Variants in USF2 observed in about 807,000 individuals in gnomAD.
USF2 encodes upstream transcription factor 2, c-fos interacting.
In USF2, 16 loss-of-function variants were observed where a neutral mutation model predicts 46.9. The ratio of observed to expected loss-of-function variants is 0.34; its 90% confidence interval spans 0.23 to 0.52. The LOEUF (loss-of-function observed/expected upper bound fraction) is 0.52. Among genes scored for constraint, USF2 ranks in the 20% least tolerant of loss-of-function variants. The pLI, the probability that USF2 is intolerant of heterozygous loss-of-function variation, is 0.96. For synonymous variants in USF2, 239 were observed against 194.1 expected (o/e 1.23, Z -1.92); for missense variants, 411 against 474.0 (o/e 0.87, Z 1.23).
chr19:35,272,460 A>G (rs2267572), intron 7 of USF2, among the ~76,000 whole-genome samples: 102,766 of 151,960 alleles, frequency 0.68, 35,695 homozygotes, highest in Middle Eastern at 0.81. Context: ...GAAGAGCTAG[A>G]ACACAGGCCA....
rs746655773 is a variant in USF2, at chr19:35,278,773, A to C, written c.803A>C (p.Asp268Ala). Reference protein sequence around the residue: ...LSKIIPDCNADNSKTGASKGG... With the variant: ...LSKIIPDCNAANSKTGASKGG... ...AAAATCATTCCAGACTGTAACGCAGACAACAGCAAGACGGGAGCGGTGAGC... is the reference window on the plus strand; with the variant it reads ...AAAATCATTCCAGACTGTAACGCAGCCAACAGCAAGACGGGAGCGGTGAGC... Residue 268 changes from aspartate (D) to alanine (A), a missense_variant, in exon 8 of 10, where the codon GAC becomes GCC. Asp to Ala is a moderately radical substitution (Grantham distance 126). Around this residue, in one of 2 missense-constraint regions of USF2, gnomAD observed 93 missense variants for 151.6 expected, o/e 0.61. Transcript: ENST00000222305. The C allele has an allele frequency of 1.2e-6, 2 of 1,613,984 alleles. No individual in the cohort carries two copies. Among genetic ancestry groups the C allele is most frequent in the Non-Finnish European group, 1.7e-6 (2 of 1,180,032 alleles).
rs1276533828 is a variant in USF2, at chr19:35,279,301, G to C, written c.*45G>C. Reference sequence around the variant, plus strand: ...GCCGCCGCCGCCCACGCCGGCCTCTGCTGCCCCCTTCCCCAGCCCTTAGCA... The same window carrying C: ...GCCGCCGCCGCCCACGCCGGCCTCTCCTGCCCCCTTCCCCAGCCCTTAGCA... On this transcript the variant is annotated 3_prime_UTR_variant, in exon 10 of 10. Coordinates refer to ENST00000222305, the MANE Select transcript of USF2 (RefSeq NM_003367.4). The C allele has an allele frequency of 6.9e-7, 1 of 1,457,648 alleles. No homozygotes were observed. The highest frequency in any genetic ancestry group is 1.4e-5 in the South Asian group (1 of 71,216). 90.3% of individuals were successfully genotyped at this position (1,457,648 alleles called of 1,614,324 possible).
At position 35,279,644 on chromosome 19, in the gene USF2, G is replaced by C. The variant is rs2066283864; in HGVS notation, c.*388G>C. 8.7e-6 allele frequency: 2 copies of C among 229,912 alleles called. No homozygotes were observed. The highest frequency in any genetic ancestry group is 1.7e-5 in the Non-Finnish European group (2 of 119,042). 14.2% of individuals were successfully genotyped at this position (229,912 alleles called of 1,614,324 possible). A position where few individuals can be genotyped will look rare whatever the true frequency, so the allele number is the denominator to read the frequency against. On this transcript the variant is annotated 3_prime_UTR_variant, in exon 10 of 10. Transcript: ENST00000222305. The stretch of plus-strand genomic sequence containing the variant: ...GGGGAGCCTTTGGGGGGCCACCCGG[G>C]GCCTGGACCTATGCAGGGAGGCCAC...
chr19:35,279,037 A>G lies in USF2; in HGVS notation c.914A>G (p.Glu305Gly), dbSNP rs1014868247. Reference sequence around the variant, plus strand: ...ATGCAGGAGACCTTCAAAGAGGCCGAGCGGCTGCAGATGGACAACGAGCTC... The same window carrying G: ...ATGCAGGAGACCTTCAAAGAGGCCGGGCGGCTGCAGATGGACAACGAGCTC... The part of the protein sequence containing the change: ...QRMQETFKEA[E>G]RLQMDNELLR... Residue 305 changes from glutamate (E) to glycine (G), a missense_variant, in exon 9 of 10, where the codon GAG (glutamate) becomes GGG (glycine). Transcript: ENST00000222305. 1 of 1,595,542 alleles carries G rather than the reference A, an allele frequency of 6.3e-7. No individual in the cohort carries two copies. Among genetic ancestry groups the G allele is most frequent in the Non-Finnish European group, 8.5e-7 (1 of 1,170,496 alleles).
chr19:35,272,554 G>C (rs1035082905), intron 7 of USF2, among the ~76,000 whole-genome samples: 1 of 152,158 alleles, frequency 6.6e-6, no homozygotes, highest in Non-Finnish European at 1.5e-5. Flanking sequence ...AGTGGAGGGG[G>C]CTGCCCAGGC....
Position 35,270,442 on chromosome 19 carries a change from C to A in USF2, c.430-5C>A, listed in dbSNP as rs746682755. ...AAGGGTAGCCTCTGCCCTCCTACTC[C>A]CCAGGCTGTGATCCAAAATCCCTTC... On this transcript the variant is annotated splice_region_variant and splice_polypyrimidine_tract_variant and intron_variant, in intron 4 of 9. Transcript: ENST00000222305. 6.2e-7 allele frequency: 1 copy of A among 1,611,396 alleles called. No individual in the cohort carries two copies. The highest frequency in any genetic ancestry group is 8.5e-7 in the Non-Finnish European group (1 of 1,178,956).
Position 35,278,685 on chromosome 19 carries a change from CTG to C in USF2, c.728-11_728-10del. 6.2e-7 allele frequency: 1 copy of C among 1,614,012 alleles called. No homozygotes were observed. The highest frequency in any genetic ancestry group is 8.5e-7 in the Non-Finnish European group (1 of 1,179,908). On this transcript the variant is annotated splice_polypyrimidine_tract_variant and intron_variant, in intron 7 of 9. Coordinates refer to ENST00000222305, the MANE Select transcript of USF2 (RefSeq NM_003367.4). ...CGTCAGCGAAGCCGTGGCTGTGACT[CTG>C]TTTTCCGCAGTGGAGCGGAGGCGGA...
At position 35,271,126 on chromosome 19, in the gene USF2, G is replaced by A. The variant is rs749605548; in HGVS notation, c.712G>A (p.Ala238Thr). The A allele has an allele frequency of 6.2e-7, 1 of 1,613,814 alleles. No homozygotes were observed. ...TRTPRDERRR[A>T]QHNEVERRRR... ...AACACCCCGAGATGAGAGGAGAAGA[G>A]CCCAGCACAACGAAGGTGAGGACAA... Residue 238 changes from alanine to threonine, a missense_variant, in exon 7 of 10, where the codon GCC (alanine) becomes ACC (threonine). Transcript: ENST00000222305.
At position 35,274,417 on chromosome 19, in the gene USF2, G is replaced by A. The variant is rs548701424; in HGVS notation, c.727+3276G>A. On this transcript the variant is annotated intron_variant, in intron 7 of 9. Coordinates refer to ENST00000222305, the MANE Select transcript of USF2 (RefSeq NM_003367.4). ...TTTCCCTCCTTCCCACCACTTCTTG[G>A]TACTGCAGGAGCTTATCCCAGAGTC... Among the ~76,000 whole-genome samples the A allele has an allele frequency of 2.9e-4, 44 of 152,168 alleles. 1 individual carries two copies. In the South Asian group the frequency reaches 8.7e-3, roughly 30 times the overall value.
At chr19:35,269,779 T>A (rs937483458) in intron 3 of USF2, 24 bp from the exon 4 acceptor site, 6 of 1,489,456 alleles carry the variant, frequency 4.0e-6, no homozygotes, top group Non-Finnish European at 5.3e-6. Flanking sequence ...AGCGCCGGCC[T>A]CGCCGCTCTG....
intron 7 of USF2, among the ~76,000 whole-genome samples, chr19:35,274,203 A>G (rs1273474337): frequency 6.6e-6 from 1 of 152,186 alleles, no homozygotes; most frequent in Non-Finnish European, 1.5e-5. Flanking sequence ...AGAATGTGCC[A>G]TCTCCCGTCT....
At chr19:35,270,948 A>G (rs1305023032) in intron 6 of USF2, 135 bp from the exon 7 acceptor site, 41 of 1,428,140 alleles carry the variant, frequency 2.9e-5, no homozygotes, top group Non-Finnish European at 3.6e-5. Context: ...TCTAGTGCAC[A>G]TAAAGTATCA....
At chr19:35,276,069 CTTTTT>C (rs752967792) in intron 7 of USF2, among the ~76,000 whole-genome samples, 2 of 112,042 alleles carry the variant, frequency 1.8e-5, no homozygotes, top group South Asian at 2.9e-4. Context: ...TGAATTTTCT[CTTTTT>C]TTTTTTTTTT....
chr19:35,276,054 G>A (rs369486998), intron 7 of USF2, among the ~76,000 whole-genome samples: 10 of 145,990 alleles, frequency 6.8e-5, no homozygotes, highest in Admixed American at 4.8e-4. Context: ...GGCAGGTTTC[G>A]CTTCTGAATT....
chr19:35,279,284 C>G lies in USF2; in HGVS notation c.*28C>G, dbSNP rs777879952. 5 of 1,477,922 alleles carry G rather than the reference C, an allele frequency of 3.4e-6. No individual in the cohort carries two copies. Among genetic ancestry groups the G allele is most frequent in the Non-Finnish European group, 4.5e-6 (5 of 1,112,962 alleles). The allele number at this position is 1,477,922 out of a possible 1,614,324, so 91.6% of individuals were successfully genotyped here. On this transcript the variant is annotated 3_prime_UTR_variant, in exon 10 of 10. Coordinates refer to ENST00000222305, the MANE Select transcript of USF2 (RefSeq NM_003367.4). ...CCCGCCACCACCACGCAGCCGCCGC[C>G]GCCCACGCCGGCCTCTGCTGCCCCC...
In USF2 at chr19:35,271,157, G is replaced by A. The variant is rs1483633075; in HGVS notation, c.727+16G>A. 6.2e-7 allele frequency: 1 copy of A among 1,613,928 alleles called. No homozygotes were observed. ...CACAACGAAGGTGAGGACAAGGTGT[G>A]GCTCCGGGTCCCCCTGACCACCACC... On this transcript the variant is annotated intron_variant, in intron 7 of 9. Transcript: ENST00000222305.
Position 35,269,949 on chromosome 19 carries a change from C to A in USF2, c.375C>A (p.Arg125=). Residue 125 remains arginine, a synonymous_variant, in exon 4 of 10, where the codon CGC becomes CGA. Transcript: ENST00000222305. ...TGGGTGTGGACGGGGCAGCCCAGCGCCCGGGCCCCGCCGCTGCCTCTGTGC... is the reference window on the plus strand; with the variant it reads ...TGGGTGTGGACGGGGCAGCCCAGCGACCGGGCCCCGCCGCTGCCTCTGTGC... ...TQVGVDGAAQ[R]PGPAAASVPP... is the part of the protein sequence containing the mutation. 1 of 1,343,316 alleles carries A rather than the reference C, an allele frequency of 7.4e-7. No homozygotes were observed. The allele number at this position is 1,343,316 out of a possible 1,614,324, so 83.2% of individuals were successfully genotyped here.
At chr19:35,276,342 C>T (rs79531585) in intron 7 of USF2, among the ~76,000 whole-genome samples, 1 of 152,142 alleles carries the variant, frequency 6.6e-6, no homozygotes, top group African/African-American at 2.4e-5. Flanking sequence ...GGATTACAGG[C>T]GTGAGCCACC....
chr19:35,270,331 G>A (rs553536992), intron 4 of USF2, 116 bp from the exon 5 acceptor site: 8 of 1,430,950 alleles, frequency 5.6e-6, no homozygotes, highest in Non-Finnish European at 7.5e-6. Context: ...ACACGCAGAA[G>A]GAGTCCCCAC....
Sources: gnomAD v4.1 joint callset for allele counts (sites outside exome capture counted in the v4.1 genomes callset) on GRCh38, gnomAD v4.1.1 for gene constraint, gnomAD v4.1.1 regional missense constraint, MANE v1.5 for transcripts, NCBI Gene and HGNC (gene_info 2026-07-23, HGNC 2026-07-21) for gene names.